INVS: variants seen among roughly 807,000 people sequenced by gnomAD.
The protein encoded by INVS is inversion of embryo turning homolog.
Under a neutral mutation model 108.8 loss-of-function variants are expected in INVS, and 86 were observed. The ratio of observed to expected loss-of-function variants is 0.79; its 90% confidence interval spans 0.66 to 0.95. The LOEUF (loss-of-function observed/expected upper bound fraction) is 0.95. Among genes scored for constraint, INVS ranks in the 40% least tolerant of loss-of-function variants. INVS has a pLI of 0.00. For missense variants in INVS, 1,169 were observed against 1,297.4 expected, an observed-to-expected ratio of 0.90 and a Z score of 1.52; for synonymous variants, 455 against 473.5, an observed-to-expected ratio of 0.96 and a Z score of 0.51.
At chr9:100,284,211 A>G (rs1017189285) in intron 12 of INVS, 109 bp from the exon 13 acceptor site, 11 of 1,316,712 alleles carry the variant, frequency 8.4e-6, no homozygotes, top group Non-Finnish European at 1.2e-5. Context: ...CAAATTTCCA[A>G]ATATCTCCTG....
intron 3 of INVS, among the ~76,000 whole-genome samples, chr9:100,163,241 A>G (rs1829250128): frequency 2.0e-5 from 3 of 150,614 alleles, no homozygotes; most frequent in Admixed American, 6.6e-5. Flanking sequence ...ATGCTCCCAA[A>G]TGAGGAAACA....
At chr9:100,190,924 G>A (rs1830201228) in intron 3 of INVS, among the ~76,000 whole-genome samples, 1 of 151,808 alleles carries the variant, frequency 6.6e-6, no homozygotes, top group African/African-American at 2.4e-5. Context: ...GCAGTGGCAT[G>A]ATCATGGCTC....
chr9:100,196,305 C>T (rs572157660), intron 3 of INVS, among the ~76,000 whole-genome samples: 2 of 152,280 alleles, frequency 1.3e-5, no homozygotes, highest in East Asian at 3.9e-4. Flanking sequence ...ATTCAGTCCT[C>T]AATTCTCCTT....
intron 11 of INVS, among the ~76,000 whole-genome samples, chr9:100,265,253 C>CT (rs1212149524): frequency 2.6e-5 from 4 of 151,776 alleles, no homozygotes; most frequent in African/African-American, 4.8e-5. Flanking sequence ...AAGTTGTTGA[C>CT]TTTTTTTTAA....
chr9:100,269,328 G>A (rs1418172915), intron 11 of INVS, among the ~76,000 whole-genome samples: 1 of 152,096 alleles, frequency 6.6e-6, no homozygotes, highest in African/African-American at 2.4e-5. Flanking sequence ...TTTTCCATTA[G>A]AGAAAGTACA....
intron 2 of INVS, among the ~76,000 whole-genome samples, chr9:100,123,868 C>A (rs1827799574): frequency 6.6e-6 from 1 of 152,142 alleles, no homozygotes. Flanking sequence ...TGCAGTGGTG[C>A]AATCTCAGCT....
rs114645869 is a variant in INVS, at chr9:100,272,996, G to A, written c.1704G>A (p.Gly568=). 360 of 1,614,038 alleles carry A rather than the reference G, an allele frequency of 2.2e-4. 5 individuals carry two copies. The East Asian group carries it at 5.8e-3, about 26-fold the overall frequency. ...TCAAAATCCAAGCTGTCTACAAAGG[G>A]TACAAGGTCAGAAAAGCCTTCCGAG... ...AAFKIQAVYK[G]YKVRKAFRDR... Residue 568 remains glycine (G), a synonymous_variant, in exon 12 of 17, where the codon GGG becomes GGA. Coordinates refer to ENST00000262457, the MANE Select transcript of INVS (RefSeq NM_014425.5).
At chr9:100,196,466 T>C (rs545859974) in intron 3 of INVS, among the ~76,000 whole-genome samples, 17 of 152,246 alleles carry the variant, frequency 1.1e-4, no homozygotes, top group Admixed American at 3.9e-4. Flanking sequence ...AAACTGTTTT[T>C]ACTACCTTCT....
At chr9:100,154,151 C>G (rs1394482223) in intron 3 of INVS, among the ~76,000 whole-genome samples, 5 of 151,778 alleles carry the variant, frequency 3.3e-5, no homozygotes, top group African/African-American at 1.2e-4. Flanking sequence ...AGCTTGAAAG[C>G]AAATGCACTT....
chr9:100,143,441 G>C (rs1465648909), intron 3 of INVS, among the ~76,000 whole-genome samples: 1 of 152,084 alleles, frequency 6.6e-6, no homozygotes, highest in Non-Finnish European at 1.5e-5. Flanking sequence ...ATGGGATATT[G>C]ACATTGAGCA....
At chr9:100,271,088 T>A (rs1832942252) in intron 11 of INVS, among the ~76,000 whole-genome samples, 2 of 152,194 alleles carry the variant, frequency 1.3e-5, no homozygotes, top group South Asian at 4.1e-4. Context: ...TAAAAGGATG[T>A]TCACTGAAGA....
At chr9:100,274,223 T>C (rs2118676691) in intron 12 of INVS, among the ~76,000 whole-genome samples, 1 of 152,194 alleles carries the variant, frequency 6.6e-6, no homozygotes, top group East Asian at 2.0e-4. Context: ...CTGGGCGTGG[T>C]GGTTAGCACC....
intron 3 of INVS, among the ~76,000 whole-genome samples, chr9:100,192,418 A>T (rs1253492793): frequency 6.6e-6 from 1 of 152,206 alleles, no homozygotes; most frequent in Non-Finnish European, 1.5e-5. Flanking sequence ...TTGCACAAAT[A>T]TATCATAATT....
intron 2 of INVS, among the ~76,000 whole-genome samples, chr9:100,124,140 T>C (rs887248661): frequency 5.3e-5 from 8 of 151,830 alleles, no homozygotes; most frequent in African/African-American, 1.9e-4. Flanking sequence ...TCTCTTTGTA[T>C]AGTTTGTTTT....
chr9:100,227,995 T>C (rs930118468), intron 4 of INVS, among the ~76,000 whole-genome samples: 1 of 148,232 alleles, frequency 6.7e-6, no homozygotes, highest in Non-Finnish European at 1.5e-5. Flanking sequence ...TTCTTTCTTT[T>C]TTTTTTTTTT....
rs1190341447 is a variant in INVS, at chr9:100,301,941, A to ATAT, written c.*1269_*1271dup. The ATAT allele has an allele frequency of 9.3e-6, 3 of 323,206 alleles. No individual in the cohort carries two copies. The highest frequency in any genetic ancestry group is 6.3e-5 in the African/African-American group (3 of 47,476). The allele number at this position is 323,206 out of a possible 1,614,324, so 20.0% of individuals were successfully genotyped here. On this transcript the variant is annotated 3_prime_UTR_variant, in exon 17 of 17. Coordinates refer to ENST00000262457, the MANE Select transcript of INVS (RefSeq NM_014425.5). ...CACAGTATCACTCTCTATTTTGTAA[A>ATAT]TATTTAGCTCCTATGAAATGCACAA...
chr9:100,107,385 T>C (rs1453220540), intron 2 of INVS, among the ~76,000 whole-genome samples: 1 of 152,244 alleles, frequency 6.6e-6, no homozygotes, highest in Non-Finnish European at 1.5e-5. Flanking sequence ...AAAATGTATG[T>C]ATATTACATT....
intron 3 of INVS, among the ~76,000 whole-genome samples, chr9:100,132,604 G>A (rs143272016): frequency 4.7e-4 from 71 of 152,282 alleles, no homozygotes; most frequent in African/African-American, 1.6e-3. Flanking sequence ...CAATGTAGGT[G>A]CAAACATCAA....
intron 13 of INVS, among the ~76,000 whole-genome samples, chr9:100,288,358 T>C (rs1414586388): frequency 6.6e-6 from 1 of 152,198 alleles, no homozygotes; most frequent in Non-Finnish European, 1.5e-5. Context: ...ATTTGAACTA[T>C]GTCACCAGTT....
Sources: allele counts gnomAD v4.1 joint callset (sites outside exome capture counted in the v4.1 genomes callset), GRCh38; gene constraint gnomAD v4.1.1; transcripts MANE v1.5; gene names NCBI Gene and HGNC (gene_info 2026-07-23, HGNC 2026-07-21).